Variants in ABCA5 observed in about 807,000 individuals in gnomAD.
ABCA5 encodes the protein cholesterol transporter ABCA5.
Under a neutral mutation model 206.0 loss-of-function variants are expected in ABCA5, and 163 were observed. The observed-to-expected ratio is 0.79, with a 90% CI of 0.70 to 0.90. ABCA5 has a LOEUF of 0.90. ABCA5 is among the 40% of genes least tolerant of loss of function. The pLI is 0.00. For missense variants in ABCA5, 1,859 were observed against 1,912.9 expected, an observed-to-expected ratio of 0.97 and a Z score of 0.53; for synonymous variants, 609 against 613.8, an observed-to-expected ratio of 0.99 and a Z score of 0.11.
At chr17:69,266,791 T>A (rs949920323) in intron 23 of ABCA5, among the ~76,000 whole-genome samples, 87 of 147,780 alleles carry the variant, frequency 5.9e-4, no homozygotes, top group African/African-American at 2.1e-3. Flanking sequence ...AATATTATTT[T>A]AAAAATAGAG....
intron 3 of ABCA5, among the ~76,000 whole-genome samples, chr17:69,310,025 T>C (rs1195096604): frequency 6.6e-6 from 1 of 152,198 alleles, no homozygotes; most frequent in South Asian, 2.1e-4. Flanking sequence ...CTTCAAGAAA[T>C]TGCTGTTTCT....
intron 8 of ABCA5, among the ~76,000 whole-genome samples, chr17:69,301,781 T>G (rs1005087368): frequency 6.6e-6 from 1 of 152,146 alleles, no homozygotes. Context: ...GAAAGAGAAA[T>G]GTACTGGAGG....
rs1009401830 is a variant in ABCA5, at chr17:69,254,589, A to G, written c.4069-99T>C. The G allele has an allele frequency of 6.0e-6, 5 of 834,712 alleles. No homozygotes were observed. The Admixed American group carries it at 1.2e-4, about 20-fold the overall frequency. The allele number at this position is 834,712 out of a possible 1,614,324, so 51.7% of individuals were successfully genotyped here. On this transcript the variant is annotated intron_variant, in intron 31 of 38. Transcript: ENST00000392676. ...AAAACCCCTTCCTACAGCCAGACTA[A>G]TATCAAGTCAGATTTGTACTCCTTT...
chr17:69,276,314 C>A (rs940851871), intron 19 of ABCA5, among the ~76,000 whole-genome samples: 3 of 152,046 alleles, frequency 2.0e-5, no homozygotes, highest in Non-Finnish European at 1.5e-5. Flanking sequence ...GCCTTGATCT[C>A]CTGACCTTGT....
intron 2 of ABCA5, among the ~76,000 whole-genome samples, chr17:69,313,908 A>C (rs1197636364): frequency 6.6e-6 from 1 of 152,172 alleles, no homozygotes; most frequent in Non-Finnish European, 1.5e-5. Flanking sequence ...ATCAAAAGTA[A>C]TGTATGCTGT....
chr17:69,260,362 A>T lies in ABCA5; in HGVS notation c.3615T>A (p.Asp1205Glu). 1 of 1,607,862 alleles carries T rather than the reference A, an allele frequency of 6.2e-7. No homozygotes were observed. The highest frequency in any genetic ancestry group is 8.5e-7 in the Non-Finnish European group (1 of 1,176,496). The change falls in exon 27 of 39, where the codon GAT becomes GAA. Residue 1205 changes from aspartate to glutamate, a missense_variant. By Grantham distance (45) the Asp-to-Glu change is conservative. Transcript: ENST00000392676. ...CCGATATAACAGCTACTGAAAGCCT[A>T]TCCCATGGATTATAGGTGTCCACAT... ...RKNVDTYNPW[D>E]RLSVAVISPY...
rs547136283 is a variant in ABCA5, at chr17:69,277,804, T to G, written c.2431A>C (p.Met811Leu). 5.7e-6 allele frequency: 9 copies of G among 1,578,450 alleles called. No homozygotes were observed. In the South Asian group the frequency reaches 1.1e-4, roughly 19 times the overall value. The change falls in exon 19 of 39, where the codon ATG becomes CTG. Residue 811 changes from methionine to leucine, a missense_variant. Transcript: ENST00000392676. The stretch of plus-strand genomic sequence containing the variant: ...ATTTCATCAAAAGATTTTGAATCCA[T>G]TTCTTCCTCCAGTGGCTGCTGAGTA... ...VFTQQPLEEE[M>L]DSKSFDEMEQ...
At chr17:69,325,141 CAAA>C (rs11320196) in intron 1 of ABCA5, among the ~76,000 whole-genome samples, 30 of 118,100 alleles carry the variant, frequency 2.5e-4, no homozygotes, top group Middle Eastern at 3.9e-3. Context: ...CTGTCTCTAC[CAAA>C]AAAAAAAAAA....
chr17:69,255,003 A>G (rs1282406305), intron 31 of ABCA5, among the ~76,000 whole-genome samples: 1 of 152,216 alleles, frequency 6.6e-6, no homozygotes, highest in African/African-American at 2.4e-5. Flanking sequence ...TGAATTTAGT[A>G]TATGTATTTC....
In ABCA5 at chr17:69,254,733, A is replaced by G. The variant is rs575894267; in HGVS notation, c.4069-243T>C. On this transcript the variant is annotated intron_variant, in intron 31 of 38. Transcript: ENST00000392676. ...GGGAAGATGTCTCACTACGTTGCCCAGGCTAGTCTTGAATTCCTGAGCTCA... is the reference window on the plus strand; with the variant it reads ...GGGAAGATGTCTCACTACGTTGCCCGGGCTAGTCTTGAATTCCTGAGCTCA... Among the ~76,000 whole-genome samples the G allele has an allele frequency of 1.5e-4, 23 of 152,176 alleles. 1 individual carries two copies. In the East Asian group the frequency reaches 3.9e-3, roughly 26 times the overall value.
chr17:69,319,981 T>C (rs1203487415), intron 1 of ABCA5, among the ~76,000 whole-genome samples: 4 of 152,240 alleles, frequency 2.6e-5, no homozygotes, highest in South Asian at 2.1e-4. Flanking sequence ...AGTTATTTAA[T>C]GTTTTTGCGC....
At chr17:69,289,102 AT>A in intron 14 of ABCA5, 74 bp downstream of exon 14, 1 of 1,431,802 alleles carries the variant, frequency 7.0e-7, no homozygotes, top group Non-Finnish European at 9.5e-7. Flanking sequence ...ATAATGTATT[AT>A]ATCTTTCTAC....
At chr17:69,293,833 G>GGTGTGTGTGTGTGTGTGTGTGT (rs61315865) in intron 11 of ABCA5, among the ~76,000 whole-genome samples, 14 of 123,816 alleles carry the variant, frequency 1.1e-4, no homozygotes, top group Non-Finnish European at 1.4e-4. Context: ...CAATCATACT[G>GGTGTGTGTGTGTGTGTGTGTGT]GTGTGTGTGT....
rs778507172 is a variant in ABCA5 at position 69,247,620 on chromosome 17, G to C, written c.4846C>G (p.Gln1616Glu). Residue 1616 changes from glutamine to glutamate, a missense_variant, in exon 39 of 39, where the codon CAA becomes GAA. Transcript: ENST00000392676. ...EQVFVELTKE[Q>E]EEEDNSCGTL... ...CCACAACTATTATCTTCCTCCTCTTGTTCTTTAGTGAGTTCTACAAAAACC... is the reference window on the plus strand; with the variant it reads ...CCACAACTATTATCTTCCTCCTCTTCTTCTTTAGTGAGTTCTACAAAAACC... 19 of 1,608,980 alleles carry C rather than the reference G, an allele frequency of 1.2e-5. No homozygotes were observed. The highest frequency in any genetic ancestry group is 1.6e-5 in the Non-Finnish European group (19 of 1,177,902).
chr17:69,282,595 CTG>C (rs2075406655), intron 18 of ABCA5, among the ~76,000 whole-genome samples: 1 of 152,054 alleles, frequency 6.6e-6, no homozygotes, highest in African/African-American at 2.4e-5. Context: ...TGGCAAAACC[CTG>C]TCTCTACTAA....
intron 18 of ABCA5, among the ~76,000 whole-genome samples, chr17:69,282,037 C>T (rs188696986): frequency 8.1e-4 from 124 of 152,200 alleles, no homozygotes; most frequent in African/African-American, 2.9e-3. Flanking sequence ...ATGTTCTTAC[C>T]GTAAACTGAA....
In ABCA5 at chr17:69,309,468, C is replaced by T. The variant is rs188808373; in HGVS notation, c.308-45G>A. The T allele has an allele frequency of 6.4e-4, 828 of 1,302,804 alleles. 5 individuals are homozygous for T. The African/African-American group carries it at 0.011, about 18-fold the overall frequency. 80.7% of individuals were successfully genotyped at this position (1,302,804 alleles called of 1,614,324 possible). A position where few individuals can be genotyped will look rare whatever the true frequency, so the allele number is the denominator to read the frequency against. On this transcript the variant is annotated intron_variant, in intron 3 of 38. Coordinates refer to ENST00000392676, the MANE Select transcript of ABCA5 (RefSeq NM_172232.4). ...TATAGTTAGCTCACAAATTAAAATA[C>T]CACAATACAGTAGATCAAGTTTACA...
At chr17:69,261,007 C>T in intron 26 of ABCA5, 118 bp downstream of exon 26, 1 of 775,310 alleles carries the variant, frequency 1.3e-6, no homozygotes, top group Non-Finnish European at 2.0e-6. Flanking sequence ...ATATCTAAAT[C>T]AAGTAGTAGC....
chr17:69,246,829 TAC>T lies in ABCA5; in HGVS notation c.*706_*707del, dbSNP rs1447940699. On this transcript the variant is annotated 3_prime_UTR_variant, in exon 39 of 39. Coordinates refer to ENST00000392676, the MANE Select transcript of ABCA5 (RefSeq NM_172232.4). ...AGAATCAGACTATTACGTAAGATTCTACACACAGTCTTCCTTTAATTATAATA... is the reference window on the plus strand; with the variant it reads ...AGAATCAGACTATTACGTAAGATTCTACACAGTCTTCCTTTAATTATAATA... 1 of 151,998 alleles carries T rather than the reference TAC, an allele frequency of 6.6e-6. No homozygotes were observed. The highest frequency in any genetic ancestry group is 1.5e-5 in the Non-Finnish European group (1 of 67,832). The allele number at this position is 151,998 out of a possible 1,614,324, so 9.4% of individuals were successfully genotyped here. A position where few individuals can be genotyped will look rare whatever the true frequency, so the allele number is the denominator to read the frequency against.
Sources: allele counts gnomAD v4.1 joint callset (sites outside exome capture counted in the v4.1 genomes callset), GRCh38; gene constraint gnomAD v4.1.1; transcripts MANE v1.5; gene names NCBI Gene and HGNC (gene_info 2026-07-23, HGNC 2026-07-21).